GRIK1: variants seen among roughly 807,000 people sequenced by gnomAD.
The protein encoded by GRIK1 is glutamate ionotropic receptor kainate type subunit 1.
GRIK1 carries 69 observed loss-of-function variants against 105.7 expected under a neutral mutation model. The observed-to-expected ratio is 0.65, with a 90% CI of 0.54 to 0.80. The LOEUF (loss-of-function observed/expected upper bound fraction) is 0.80. GRIK1 is among the 30% of genes least tolerant of loss of function. The pLI is 0.00. For synonymous variants in GRIK1, 438 were observed against 431.3 expected (o/e 1.02, Z -0.19); for missense variants, 1,109 against 1,167.3 (o/e 0.95, Z 0.73).
chr21:29,899,244 T>C (rs1433909789), intron 1 of GRIK1, among the ~76,000 whole-genome samples: 1 of 152,216 alleles, frequency 6.6e-6, no homozygotes, highest in African/African-American at 2.4e-5. Context: ...GGCTTTTTGT[T>C]ACTTTTGATT....
At chr21:29,637,156 A>G (rs537108731) in intron 7 of GRIK1, among the ~76,000 whole-genome samples, 1 of 152,276 alleles carries the variant, frequency 6.6e-6, no homozygotes, top group African/African-American at 2.4e-5. Context: ...AATCAGTTTT[A>G]ATAGAAGCAC....
At chr21:29,910,677 A>C (rs1223887330) in intron 1 of GRIK1, among the ~76,000 whole-genome samples, 3 of 152,098 alleles carry the variant, frequency 2.0e-5, no homozygotes, top group Non-Finnish European at 4.4e-5. Flanking sequence ...TGATGTGTAA[A>C]TGTCTGGCTT....
chr21:29,693,119 C>T (rs9978625), intron 2 of GRIK1, among the ~76,000 whole-genome samples: 27,338 of 152,094 alleles, frequency 0.18, 4,921 homozygotes, highest in African/African-American at 0.45. Context: ...AGAACCCCCC[C>T]AATCTGGGGT....
intron 1 of GRIK1, among the ~76,000 whole-genome samples, chr21:29,837,118 G>T (rs549614724): frequency 3.9e-5 from 6 of 152,258 alleles, no homozygotes; most frequent in South Asian, 2.1e-4. Context: ...GGATGTAATC[G>T]TTTTTTGGAT....
intron 1 of GRIK1, among the ~76,000 whole-genome samples, chr21:29,811,412 A>G (rs1021756046): frequency 1.3e-5 from 2 of 152,194 alleles, no homozygotes; most frequent in Non-Finnish European, 2.9e-5. Flanking sequence ...GTGGGCATAC[A>G]AATACAGTGC....
rs139711974 is a variant in GRIK1, at chr21:29,663,271, A to C, written c.727-8408T>G. Among the ~76,000 whole-genome samples the C allele has an allele frequency of 3.3e-5, 5 of 152,314 alleles. No homozygotes were observed. In the East Asian group the frequency reaches 9.6e-4, roughly 29 times the overall value. ...AGTTTGAGATCCCAAATAAAAGCAT[A>C]TGGTTATTTAAGACCAAAGTTAGAA... On this transcript the variant is annotated intron_variant, in intron 4 of 17. Transcript: ENST00000327783.
intron 1 of GRIK1, among the ~76,000 whole-genome samples, chr21:29,828,954 CT>C (rs2067551868): frequency 6.6e-6 from 1 of 152,084 alleles, no homozygotes; most frequent in Admixed American, 6.6e-5. Flanking sequence ...CAAAGCAAAC[CT>C]TTTAACTCAG....
chr21:29,752,489 G>A (rs2065231065), intron 1 of GRIK1, among the ~76,000 whole-genome samples: 1 of 152,056 alleles, frequency 6.6e-6, no homozygotes, highest in Admixed American at 6.6e-5. Context: ...GAGACCAAAT[G>A]GCCAGAAAAA....
chr21:29,685,999 G>C (rs1447719270), intron 3 of GRIK1, among the ~76,000 whole-genome samples: 1 of 152,206 alleles, frequency 6.6e-6, no homozygotes, highest in Non-Finnish European at 1.5e-5. Flanking sequence ...ACTGCACAGA[G>C]AGGCTAAGAA....
At chr21:29,750,928 G>T (rs1044492481) in intron 1 of GRIK1, among the ~76,000 whole-genome samples, 4 of 152,186 alleles carry the variant, frequency 2.6e-5, no homozygotes, top group Admixed American at 2.6e-4. Context: ...AGTCCGAAAA[G>T]AGTCAGCGAA....
intron 3 of GRIK1, among the ~76,000 whole-genome samples, chr21:29,677,053 T>C (rs2063282591): frequency 6.6e-6 from 1 of 152,202 alleles, no homozygotes; most frequent in African/African-American, 2.4e-5. Context: ...AATGTACTTA[T>C]GGGGAAAAAG....
intron 1 of GRIK1, among the ~76,000 whole-genome samples, chr21:29,929,084 A>G (rs1406346305): frequency 2.6e-5 from 4 of 152,176 alleles, no homozygotes; most frequent in Non-Finnish European, 5.9e-5. Flanking sequence ...GTTCATCCCA[A>G]TGACAATAAA....
At chr21:29,728,825 G>A (rs1419307937) in intron 1 of GRIK1, among the ~76,000 whole-genome samples, 1 of 152,194 alleles carries the variant, frequency 6.6e-6, no homozygotes, top group Non-Finnish European at 1.5e-5. Flanking sequence ...TCTGACCTAA[G>A]AGATGGCAGC....
chr21:29,933,423 A>G (rs1044023993), intron 1 of GRIK1, among the ~76,000 whole-genome samples: 1 of 152,192 alleles, frequency 6.6e-6, no homozygotes, highest in Admixed American at 6.5e-5. Flanking sequence ...GGGTCTTCCA[A>G]TAATTAAAAT....
chr21:29,597,150 G>A (rs1329366444), intron 8 of GRIK1, among the ~76,000 whole-genome samples: 2 of 152,154 alleles, frequency 1.3e-5, no homozygotes, highest in Non-Finnish European at 2.9e-5. Flanking sequence ...TTCCTCCCTC[G>A]GCTCCTGAGA....
chr21:29,811,195 T>C (rs1200398380), intron 1 of GRIK1, among the ~76,000 whole-genome samples: 1 of 152,114 alleles, frequency 6.6e-6, no homozygotes, highest in Non-Finnish European at 1.5e-5. Flanking sequence ...AGCCTTAGTT[T>C]CATGGAGGGG....
intron 4 of GRIK1, among the ~76,000 whole-genome samples, chr21:29,655,242 C>T (rs1276027338): frequency 6.6e-6 from 1 of 152,146 alleles, no homozygotes; most frequent in African/African-American, 2.4e-5. Context: ...AATCCTGTCT[C>T]TACTAAAAAT....
At chr21:29,881,942 A>G (rs912143859) in intron 1 of GRIK1, among the ~76,000 whole-genome samples, 3 of 152,082 alleles carry the variant, frequency 2.0e-5, no homozygotes, top group Admixed American at 6.6e-5. Flanking sequence ...TGCTTTTTCT[A>G]TTCACTATGC....
intron 7 of GRIK1, among the ~76,000 whole-genome samples, chr21:29,614,646 C>T (rs1027083761): frequency 1.3e-5 from 2 of 151,284 alleles, no homozygotes; most frequent in Non-Finnish European, 2.9e-5. Flanking sequence ...CTCTCGACCT[C>T]AGGTGATCTG....
Sources: gnomAD v4.1 joint callset for allele counts (sites outside exome capture counted in the v4.1 genomes callset) on GRCh38, gnomAD v4.1.1 for gene constraint, MANE v1.5 for transcripts, NCBI Gene and HGNC (gene_info 2026-07-23, HGNC 2026-07-21) for gene names.